Variants in PDZD4 observed in about 807,000 individuals in gnomAD.
The protein encoded by PDZD4 is PDZ domain containing 4, also known as PDZ domain-containing protein 4.
Under a neutral mutation model 38.5 loss-of-function variants are expected in PDZD4, and 9 were observed. The ratio of observed to expected loss-of-function variants is 0.23; its 90% CI spans 0.14 to 0.41. PDZD4 has a LOEUF of 0.41. PDZD4 is among the 10% of genes least tolerant of loss of function. The pLI is 1.00. For synonymous variants in PDZD4, 349 were observed against 315.7 expected (o/e 1.11, Z -1.12); for missense variants, 612 against 722.0 (o/e 0.85, Z 1.75).
At position 153,804,189 on chromosome X, in the gene PDZD4, G is replaced by T; in HGVS notation, c.1492C>A (p.Leu498Met). ...LLVEPLPESP[L>M]RRAMAGNSNL... is the part of the protein sequence containing the mutation. ...GAGTTGCCGGCCATGGCCCGCCGCA[G>T]GGGGCTCTCGGGCAGGGGCTCCACA... The change falls in exon 8 of 8, where the codon CTG becomes ATG. Residue 498 changes from leucine to methionine, a missense_variant. Physicochemically the swap from Leu to Met is conservative, Grantham distance 15. Coordinates refer to ENST00000393758, the MANE Select transcript of PDZD4 (RefSeq NM_001303512.2). 1 of 1,195,724 alleles carries T rather than the reference G, an allele frequency of 8.4e-7. No individual in the cohort carries two copies. The highest frequency in any genetic ancestry group is 1.7e-5 in the African/African-American group (1 of 57,738).
intron 1 of PDZD4, among the ~76,000 whole-genome samples, chrX:153,810,671 C>A (rs1603263624): frequency 8.9e-6 from 1 of 112,653 alleles, no homozygotes; most frequent in African/African-American, 3.2e-5. Flanking sequence ...GGGTTTCTCA[C>A]AGAGATGTCA....
chrX:153,810,105 C>T (rs2064294626), intron 1 of PDZD4, among the ~76,000 whole-genome samples: 1 of 112,693 alleles, frequency 8.9e-6, no homozygotes, highest in Non-Finnish European at 1.9e-5. Context: ...ATTCAGGGCA[C>T]GTGCCATGGG....
chrX:153,803,499 C>T lies in PDZD4; in HGVS notation c.2182G>A (p.Ala728Thr), dbSNP rs782730420. ...GDSKPELNII[A>T]LSHRKTMKKR... ...TTCATGGTTTTGCGGTGGCTCAGGGCAATGATGTTGAGCTCGGGCTTGCTG... is the reference window on the plus strand; with the variant it reads ...TTCATGGTTTTGCGGTGGCTCAGGGTAATGATGTTGAGCTCGGGCTTGCTG... Residue 728 changes from alanine (A) to threonine (T), a missense_variant, in exon 8 of 8, where the codon GCC (alanine) becomes ACC (threonine). Coordinates refer to ENST00000393758, the MANE Select transcript of PDZD4 (RefSeq NM_001303512.2). 1 of 1,184,928 alleles carries T rather than the reference C, an allele frequency of 8.4e-7. No homozygotes were observed. Among genetic ancestry groups the T allele is most frequent in the Non-Finnish European group, 1.1e-6 (1 of 881,055 alleles).
In PDZD4 at chrX:153,814,096, A is replaced by C. The variant is rs374573895; in HGVS notation, c.61-5501T>G. On this transcript the variant is annotated intron_variant, in intron 1 of 7. Transcript: ENST00000393758. ...AGGCTAGTCTCGAACTCCTGGGCTC[A>C]AGCCATCTGCTTAGTCCCCCCAAAA... Among the ~76,000 whole-genome samples, 3 of 111,261 alleles carry C rather than the reference A, an allele frequency of 2.7e-5. No individual in the cohort carries two copies. The East Asian group carries it at 8.5e-4, about 32-fold the overall frequency.
At chrX:153,822,379 A>C (rs782254769) in intron 1 of PDZD4, among the ~76,000 whole-genome samples, 3 of 111,181 alleles carry the variant, frequency 2.7e-5, no homozygotes, top group Non-Finnish European at 3.8e-5. Flanking sequence ...CTAAGGGCAC[A>C]GTTCACATCT....
chrX:153,813,078 A>T (rs1228483211), intron 1 of PDZD4, among the ~76,000 whole-genome samples: 1 of 110,789 alleles, frequency 9.0e-6, no homozygotes, highest in Non-Finnish European at 1.9e-5. Context: ...AAAGACCTAC[A>T]GGGACAAAGC....
chrX:153,804,152 C>T lies in PDZD4; in HGVS notation c.1529G>A (p.Arg510Gln), dbSNP rs1557075873. The change falls in exon 8 of 8, where the codon CGG (arginine) becomes CAG (glutamine). Residue 510 changes from arginine (R) to glutamine (Q), a missense_variant. By Grantham distance (43) the Arg-to-Gln change is conservative (BLOSUM62 1). Transcript: ENST00000393758. Reference sequence around the variant, plus strand: ...GGCAACAGCGGGGCCGGGAGGGGTCCGGTTCAAGTTGGAGTTGCCGGCCAT... The same window carrying T: ...GGCAACAGCGGGGCCGGGAGGGGTCTGGTTCAAGTTGGAGTTGCCGGCCAT... ...RAMAGNSNLN[R>Q]TPPGPAVATP... 3.4e-6 allele frequency: 4 copies of T among 1,161,201 alleles called. No homozygotes were observed. The highest frequency in any genetic ancestry group is 3.4e-6 in the Non-Finnish European group (3 of 871,942).
At chrX:153,806,182 G>A (rs781954172) in intron 4 of PDZD4, 49 bp from the exon 5 acceptor site, 33 of 1,160,969 alleles carry the variant, frequency 2.8e-5, no homozygotes, top group Admixed American at 2.2e-4. Context: ...ATGCCCTTTC[G>A]GTAGAAGGGG....
chrX:153,804,382 C>T lies in PDZD4; in HGVS notation c.1299G>A (p.Glu433=), dbSNP rs782052889. 2.9e-5 allele frequency: 35 copies of T among 1,208,219 alleles called. No individual in the cohort carries two copies. The South Asian group carries it at 4.6e-4, about 16-fold the overall frequency. ...LRAQKMQQLR[E]RCMKAWLLEE... is the part of the protein sequence containing the mutation. ...CCAGCAGCCAGGCCTTCATGCAGCGCTCACGCAGCTGCTGCATCTTCTGCG... is the reference window on the plus strand; with the variant it reads ...CCAGCAGCCAGGCCTTCATGCAGCGTTCACGCAGCTGCTGCATCTTCTGCG... Residue 433 remains glutamate (E), a synonymous_variant, in exon 8 of 8, where the codon GAG becomes GAA. Transcript: ENST00000393758.
chrX:153,812,634 G>A (rs2064321158), intron 1 of PDZD4, among the ~76,000 whole-genome samples: 1 of 110,937 alleles, frequency 9.0e-6, no homozygotes, highest in Admixed American at 9.5e-5. Flanking sequence ...CTCCTCATCG[G>A]TCATGCTGGA....
At position 153,802,832 on chromosome X, in the gene PDZD4, A is replaced by C; in HGVS notation, c.*521T>G. Reference sequence around the variant, plus strand: ...CCAGGGCAGGTCCACAAAACAAAACAACTATTGGCAAGCACAGAAAGGGAG... The same window carrying C: ...CCAGGGCAGGTCCACAAAACAAAACCACTATTGGCAAGCACAGAAAGGGAG... On this transcript the variant is annotated 3_prime_UTR_variant, in exon 8 of 8. Coordinates refer to ENST00000393758, the MANE Select transcript of PDZD4 (RefSeq NM_001303512.2). 1 of 114,090 alleles carries C rather than the reference A, an allele frequency of 8.8e-6. No individual in the cohort carries two copies. Among genetic ancestry groups the C allele is most frequent in the Non-Finnish European group, 1.9e-5 (1 of 53,556 alleles). The allele number at this position is 114,090 out of a possible 1,213,427, so 9.4% of individuals were successfully genotyped here.
intron 1 of PDZD4, among the ~76,000 whole-genome samples, chrX:153,816,123 C>T (rs140818694): frequency 3.0e-5 from 3 of 99,260 alleles, no homozygotes; most frequent in Middle Eastern, 5.5e-3. Flanking sequence ...AGAAAGCCAC[C>T]GCCACCCCCA....
intron 1 of PDZD4, among the ~76,000 whole-genome samples, chrX:153,828,456 C>T (rs1434913075): frequency 8.9e-6 from 1 of 112,933 alleles, no homozygotes; most frequent in Non-Finnish European, 1.9e-5. Flanking sequence ...AGTGGCCCTC[C>T]TCCTGGCGGG....
At chrX:153,813,624 C>T (rs889936665) in intron 1 of PDZD4, among the ~76,000 whole-genome samples, 3 of 112,391 alleles carry the variant, frequency 2.7e-5, no homozygotes, top group Non-Finnish European at 3.8e-5. Flanking sequence ...AGATGAAGTG[C>T]GTAGGGGATG....
intron 1 of PDZD4, among the ~76,000 whole-genome samples, chrX:153,827,689 G>GA (rs2064496235): frequency 1.8e-5 from 2 of 111,771 alleles, no homozygotes; most frequent in Admixed American, 9.5e-5. Context: ...CAGGGGCTAG[G>GA]AAGTTTGAGG....
intron 1 of PDZD4, among the ~76,000 whole-genome samples, chrX:153,809,877 G>A (rs1157941157): frequency 2.7e-5 from 3 of 113,045 alleles, no homozygotes; most frequent in Non-Finnish European, 5.6e-5. Flanking sequence ...TCTGCGGGAT[G>A]CTGTAGGGGT....
intron 5 of PDZD4, 38 bp downstream of exon 5, chrX:153,806,033 G>A (rs782505590): frequency 1.7e-6 from 2 of 1,201,820 alleles, no homozygotes; most frequent in Admixed American, 4.3e-5. Context: ...CGGGCACAGC[G>A]GGGCCTTGGG....
intron 2 of PDZD4, chrX:153,808,136 G>A (rs893018334): frequency 7.5e-6 from 8 of 1,070,788 alleles, no homozygotes; most frequent in Admixed American, 3.9e-5. Context: ...GTCCTCCCTC[G>A]GCCCTGGGGG....
chrX:153,826,847 A>AACAAAAC (rs1557082633), intron 1 of PDZD4, among the ~76,000 whole-genome samples: 20 of 112,421 alleles, frequency 1.8e-4, no homozygotes, highest in African/African-American at 6.5e-4. Context: ...CATGTAAAGA[A>AACAAAAC]ATTAAAGACC....
Sources: gnomAD v4.1 joint callset for allele counts (sites outside exome capture counted in the v4.1 genomes callset) on GRCh38, gnomAD v4.1.1 for gene constraint, MANE v1.5 for transcripts, NCBI Gene and HGNC (gene_info 2026-07-23, HGNC 2026-07-21) for gene names.